Variants in NXPE2 observed in about 807,000 individuals in gnomAD.
NXPE2 encodes the protein neurexophilin and PC-esterase domain family member 2.
In NXPE2, 34 loss-of-function variants were observed where a neutral mutation model predicts 34.4. The ratio of observed to expected loss-of-function variants is 0.99; its 90% CI spans 0.75 to 1.31. The LOEUF is 1.31. NXPE2 is among the 40% of genes most tolerant of loss of function. The probability of loss-of-function intolerance (pLI) is 0.00; values close to 1 mark genes in which losing one functional copy is unlikely to be tolerated. For synonymous variants in NXPE2, 235 were observed against 231.3 expected (o/e 1.02, Z -0.15); for missense variants, 649 against 672.5 (o/e 0.97, Z 0.39).
At chr11:114,657,196 C>T in the NXPE2 span, among the ~76,000 whole-genome samples, 2 of 152,300 alleles carry the variant, frequency 1.3e-5, no homozygotes, top group East Asian at 3.9e-4. Context: ...ACATGGAATT[C>T]CCCTGATGCC....
chr11:114,615,261 T>C, the NXPE2 span, among the ~76,000 whole-genome samples: 6 of 151,952 alleles, frequency 3.9e-5, no homozygotes, highest in African/African-American at 7.3e-5. Context: ...GGATTATAAG[T>C]ATTTCCTTGT....
the NXPE2 span, among the ~76,000 whole-genome samples, chr11:114,718,415 A>G: frequency 6.6e-6 from 1 of 152,208 alleles, no homozygotes; most frequent in Non-Finnish European, 1.5e-5. Context: ...GAAATCTACT[A>G]TACATCATGC....
At chr11:114,636,241 T>C in the NXPE2 span, among the ~76,000 whole-genome samples, 2 of 152,090 alleles carry the variant, frequency 1.3e-5, no homozygotes, top group Non-Finnish European at 2.9e-5. Flanking sequence ...ATTCTCTAGT[T>C]TATTTGCGTA....
chr11:114,534,644 G>A, the NXPE2 span, among the ~76,000 whole-genome samples: 13 of 152,196 alleles, frequency 8.5e-5, no homozygotes, highest in Non-Finnish European at 1.3e-4. Flanking sequence ...AAATGCACAA[G>A]CTTCAGTAAC....
At chr11:114,633,281 ATAT>A in the NXPE2 span, among the ~76,000 whole-genome samples, 4 of 138,514 alleles carry the variant, frequency 2.9e-5, no homozygotes, top group Non-Finnish European at 6.1e-5. Context: ...GTATTATGTT[ATAT>A]TATAAAATTC....
the NXPE2 span, among the ~76,000 whole-genome samples, chr11:114,499,588 C>T: frequency 2.6e-5 from 4 of 152,090 alleles, no homozygotes; most frequent in Non-Finnish European, 4.4e-5. Context: ...CAAGAAAATA[C>T]GTATCTTAAG....
the NXPE2 span, among the ~76,000 whole-genome samples, chr11:114,630,845 C>T: frequency 6.6e-6 from 1 of 151,464 alleles, no homozygotes; most frequent in Non-Finnish European, 1.5e-5. Flanking sequence ...CAAACAACCC[C>T]ATCAAAAAGT....
At chr11:114,646,172 C>T in the NXPE2 span, among the ~76,000 whole-genome samples, 3 of 151,942 alleles carry the variant, frequency 2.0e-5, no homozygotes, top group African/African-American at 7.2e-5. Flanking sequence ...ATTTCTATAT[C>T]TTAAACTAAC....
the NXPE2 span, among the ~76,000 whole-genome samples, chr11:114,672,701 A>C: frequency 7.2e-5 from 11 of 151,978 alleles, no homozygotes; most frequent in Non-Finnish European, 1.3e-4. Context: ...CCATAATGTC[A>C]CCATGGATAA....
At chr11:114,657,471 C>T in the NXPE2 span, among the ~76,000 whole-genome samples, 13 of 152,214 alleles carry the variant, frequency 8.5e-5, no homozygotes, top group African/African-American at 3.1e-4. Flanking sequence ...CACAGTATTT[C>T]ATATCATGCT....
chr11:114,712,660 T>C, the NXPE2 span, among the ~76,000 whole-genome samples: 61 of 152,300 alleles, frequency 4.0e-4, 1 homozygote, highest in Non-Finnish European at 7.1e-4. Context: ...CTTTGTGCAC[T>C]GTGAGTGGGA....
chr11:114,510,828 A>G, the NXPE2 span, among the ~76,000 whole-genome samples: 1 of 152,208 alleles, frequency 6.6e-6, no homozygotes, highest in Admixed American at 6.5e-5. Flanking sequence ...AAACCAAGCA[A>G]ATAAAGACAA....
At chr11:114,609,399 G>T in the NXPE2 span, among the ~76,000 whole-genome samples, 4 of 151,828 alleles carry the variant, frequency 2.6e-5, no homozygotes, top group East Asian at 5.8e-4. Flanking sequence ...TTGCATCGCT[G>T]GTAACCACTG....
chr11:114,532,405 A>G, the NXPE2 span, among the ~76,000 whole-genome samples: 1 of 152,158 alleles, frequency 6.6e-6, no homozygotes, highest in African/African-American at 2.4e-5. Context: ...ACATTATAAA[A>G]TAGATAAAAA....
the NXPE2 span, among the ~76,000 whole-genome samples, chr11:114,639,882 A>T: frequency 3.9e-5 from 2 of 51,702 alleles, no homozygotes; most frequent in African/African-American, 1.0e-4. Context: ...TAAATATAAA[A>T]TATGTTATAT....
the NXPE2 span, among the ~76,000 whole-genome samples, chr11:114,786,586 T>C: frequency 3.3e-5 from 5 of 152,202 alleles, no homozygotes; most frequent in South Asian, 1.0e-3. Context: ...AGAATACTTT[T>C]TGGATAATTT....
chr11:114,550,961 G>A, the NXPE2 span: 1 of 582,224 alleles, frequency 1.7e-6, no homozygotes, highest in Non-Finnish European at 3.1e-6. Flanking sequence ...TGCCTCTAAG[G>A]AGTTAGGTAG....
At chr11:114,594,660 C>G in the NXPE2 span, 23 of 1,577,348 alleles carry the variant, frequency 1.5e-5, no homozygotes, top group Non-Finnish European at 1.5e-5. Flanking sequence ...AAAGCATTTC[C>G]TACCTTTGTG....
At chr11:114,586,540 T>C in the NXPE2 span, among the ~76,000 whole-genome samples, 8 of 152,182 alleles carry the variant, frequency 5.3e-5, no homozygotes, top group African/African-American at 1.9e-4. Flanking sequence ...CAGGGAGAAC[T>C]TAGCTAATCC....
Sources: gnomAD v4.1 joint callset for allele counts (sites outside exome capture counted in the v4.1 genomes callset) on GRCh38, gnomAD v4.1.1 for gene constraint, MANE v1.5 for transcripts, NCBI Gene and HGNC (gene_info 2026-07-23, HGNC 2026-07-21) for gene names.